The following SCNN1B variants were observed in gnomAD, a reference collection of about 807,000 sequenced individuals.
SCNN1B encodes the protein epithelial sodium channel subunit beta.
A neutral mutation model predicts 65.3 loss-of-function variants in SCNN1B; 46 were observed. The ratio of observed to expected loss-of-function variants is 0.70; its 90% CI spans 0.56 to 0.90. The LOEUF (loss-of-function observed/expected upper bound fraction) is 0.90. Ranked by LOEUF, SCNN1B falls within the 40% of genes least tolerant of loss-of-function variation. SCNN1B has a pLI of 0.00. For synonymous variants in SCNN1B, 349 were observed against 330.6 expected, an observed-to-expected ratio of 1.06 and a Z score of -0.60; for missense variants, 751 against 830.5, an observed-to-expected ratio of 0.90 and a Z score of 1.18.
intron 1 of SCNN1B, among the ~76,000 whole-genome samples, chr16:23,282,975 A>G (rs1347544752): frequency 1.3e-5 from 2 of 152,156 alleles, no homozygotes; most frequent in Non-Finnish European, 2.9e-5. Context: ...TTGACCTTGA[A>G]TTCTCTCCTG....
intron 3 of SCNN1B, among the ~76,000 whole-genome samples, chr16:23,355,089 G>A (rs955208067): frequency 6.6e-6 from 1 of 152,174 alleles, no homozygotes; most frequent in Admixed American, 6.5e-5. Flanking sequence ...AGCCTGATGA[G>A]GGGATCTTGT....
intron 4 of SCNN1B, among the ~76,000 whole-genome samples, chr16:23,361,823 A>G (rs1267714531): frequency 6.6e-6 from 1 of 151,664 alleles, no homozygotes; most frequent in Non-Finnish European, 1.5e-5. Flanking sequence ...TTTTTTTGAG[A>G]TGGGATCTCA....
chr16:23,365,583 GAA>G (rs1567313630), intron 4 of SCNN1B, among the ~76,000 whole-genome samples: 2 of 60,226 alleles, frequency 3.3e-5, no homozygotes, highest in African/African-American at 1.4e-4. Flanking sequence ...AAGAAAGAAA[GAA>G]AGAGAAAGAA....
At chr16:23,341,681 G>A (rs1335311889) in intron 1 of SCNN1B, among the ~76,000 whole-genome samples, 1 of 152,138 alleles carries the variant, frequency 6.6e-6, no homozygotes, top group East Asian at 1.9e-4. Context: ...AAGATATACT[G>A]GCCATATAAT....
chr16:23,349,876 T>C (rs1362159860), intron 2 of SCNN1B, among the ~76,000 whole-genome samples: 2 of 151,954 alleles, frequency 1.3e-5, no homozygotes, highest in East Asian at 3.9e-4. Context: ...GGTGGGCAGA[T>C]TACTCGAGGT....
Position 23,348,759 on chromosome 16 carries a change from C to G in SCNN1B, c.160C>G (p.Leu54Val). The G allele has an allele frequency of 6.8e-6, 11 of 1,614,210 alleles. No individual in the cohort carries two copies. Among genetic ancestry groups the G allele is most frequent in the Non-Finnish European group, 9.3e-6 (11 of 1,180,036 alleles). ...GCCCAAGAAGAAAGCCATGTGGTTCCTGCTCACCCTGCTCTTCGCCGCCCT... is the reference window on the plus strand; with the variant it reads ...GCCCAAGAAGAAAGCCATGTGGTTCGTGCTCACCCTGCTCTTCGCCGCCCT... ...EGPKKKAMWF[L>V]LTLLFAALVC... Residue 54 changes from leucine (L) to valine (V), a missense_variant, in exon 2 of 13, where the codon CTG becomes GTG. Physicochemically the swap from Leu to Val is conservative, Grantham distance 32 (BLOSUM62 1). Transcript: ENST00000343070. The surrounding 1 kb of genome is among the most constrained non-coding windows in gnomAD (Gnocchi z 4.5).
At chr16:23,371,725 G>T in intron 6 of SCNN1B, 51 bp from the exon 7 acceptor site, 1 of 1,449,596 alleles carries the variant, frequency 6.9e-7, no homozygotes, top group South Asian at 1.1e-5. Context: ...GGTGCAGAAA[G>T]GGCTTCCTGG....
At chr16:23,319,675 G>T (rs1596831908) in intron 1 of SCNN1B, among the ~76,000 whole-genome samples, 2 of 152,194 alleles carry the variant, frequency 1.3e-5, no homozygotes, top group African/African-American at 4.8e-5. Flanking sequence ...CTGCTGCCTG[G>T]CCCTTTCCCG....
At chr16:23,378,002 AT>A (rs1185173551) in intron 10 of SCNN1B, among the ~76,000 whole-genome samples, 2 of 152,006 alleles carry the variant, frequency 1.3e-5, no homozygotes, top group Admixed American at 1.3e-4. Context: ...TTATTTTTGT[AT>A]TTTTACTTTA....
intron 11 of SCNN1B, 125 bp from the exon 12 acceptor site, chr16:23,379,969 T>TGTGTGTGCATACATGTGG: frequency 1.3e-6 from 1 of 785,370 alleles, no homozygotes; most frequent in South Asian, 1.4e-5. Context: ...TGTGGGTACA[T>TGTGTGTGCATACATGTGG]GTGTGTGCAT....
intron 1 of SCNN1B, among the ~76,000 whole-genome samples, chr16:23,342,070 A>T (rs1265185510): frequency 6.6e-6 from 1 of 152,252 alleles, no homozygotes; most frequent in Non-Finnish European, 1.5e-5. Flanking sequence ...ACAGCCAAAA[A>T]GTAAAAACAA....
intron 1 of SCNN1B, among the ~76,000 whole-genome samples, chr16:23,304,492 T>C (rs925212900): frequency 6.6e-6 from 1 of 152,240 alleles, no homozygotes; most frequent in African/African-American, 2.4e-5. Context: ...TGCCTGGCCA[T>C]GCCCCAATGG....
intron 2 of SCNN1B, among the ~76,000 whole-genome samples, chr16:23,293,658 G>A (rs1567286165): frequency 1.3e-5 from 2 of 152,186 alleles, no homozygotes; most frequent in Admixed American, 6.5e-5. Flanking sequence ...TGGGCGTGGT[G>A]GCTCATGCCT....
Position 23,375,830 on chromosome 16 carries a change from C to A in SCNN1B, c.1245C>A (p.Cys415Ter). The A allele has an allele frequency of 6.2e-7, 1 of 1,613,198 alleles. No homozygotes were observed. The highest frequency in any genetic ancestry group is 8.5e-7 in the Non-Finnish European group (1 of 1,179,094). ...CACTGCCCCGTGGGGAGAAATACTG[C>A]AACAACCGGGACTTCCCAGACTGGG... ...LYPLPRGEKY[C>*]NNRDFPDWAH... Residue 415 changes from cysteine to a stop codon, truncating the protein, a stop_gained, in exon 8 of 13, where the codon TGC (cysteine) becomes TGA (stop). Transcript: ENST00000343070. LOFTEE classifies it high-confidence loss of function.
chr16:23,366,403 A>C (rs1198903718), intron 4 of SCNN1B, among the ~76,000 whole-genome samples: 3 of 151,788 alleles, frequency 2.0e-5, no homozygotes, highest in African/African-American at 7.3e-5. Flanking sequence ...TTTTTTGTAG[A>C]GATAGGGTCT....
At chr16:23,304,846 T>A (rs1961160927) in intron 1 of SCNN1B, among the ~76,000 whole-genome samples, 1 of 152,046 alleles carries the variant, frequency 6.6e-6, no homozygotes, top group African/African-American at 2.4e-5. Context: ...TTCACATCTG[T>A]AAAATGGGCA....
intron 2 of SCNN1B, among the ~76,000 whole-genome samples, chr16:23,289,544 C>G (rs1354858152): frequency 6.6e-6 from 1 of 151,260 alleles, no homozygotes; most frequent in African/African-American, 2.4e-5. Context: ...GCTTGAGACC[C>G]TATCTCAAAG....
rs188559564 is a variant in SCNN1B, at chr16:23,333,867, T to C, written c.-8-14725T>C. Among the ~76,000 whole-genome samples, 7 of 152,260 alleles carry C rather than the reference T, an allele frequency of 4.6e-5. No homozygotes were observed. The East Asian group carries it at 9.7e-4, about 21-fold the overall frequency. The stretch of plus-strand genomic sequence containing the variant: ...AAAGACTCAGAGAGACCAACCTATT[T>C]ACGTCATGGATTGAGCCCCTTCCTT... On this transcript the variant is annotated intron_variant, in intron 1 of 12. Transcript: ENST00000343070.
At position 23,380,339 on chromosome 16, in the gene SCNN1B, A is replaced by G. The variant is rs1963015890; in HGVS notation, c.1543-82A>G. ...CACCCCCTCCCGTTCCCACCCAAGAATCACCTCCCAGGAAGCTGTGAGGCT... is the reference window on the plus strand; with the variant it reads ...CACCCCCTCCCGTTCCCACCCAAGAGTCACCTCCCAGGAAGCTGTGAGGCT... On this transcript the variant is annotated intron_variant, in intron 12 of 12. Coordinates refer to ENST00000343070, the MANE Select transcript of SCNN1B (RefSeq NM_000336.3). The surrounding 1 kb of genome is among the most constrained non-coding windows in gnomAD (Gnocchi z 5.4). The G allele has an allele frequency of 1.9e-6, 3 of 1,607,682 alleles. No individual in the cohort carries two copies. Among genetic ancestry groups the G allele is most frequent in the Non-Finnish European group, 2.6e-6 (3 of 1,175,770 alleles).
Sources: allele counts gnomAD v4.1 joint callset (sites outside exome capture counted in the v4.1 genomes callset), GRCh38; gene constraint gnomAD v4.1.1; non-coding constraint Gnocchi (gnomAD v3.1); transcripts MANE v1.5; gene names NCBI Gene and HGNC (gene_info 2026-07-23, HGNC 2026-07-21).